MSH6: variants seen among roughly 807,000 people sequenced by gnomAD.
MSH6 encodes the protein DNA mismatch repair protein Msh6.
A neutral mutation model predicts 119.1 loss-of-function variants in MSH6; 85 were observed. That is an observed-to-expected ratio of 0.71 (90% CI 0.60 to 0.85). MSH6 has a LOEUF of 0.85. Among genes scored for constraint, MSH6 ranks in the 40% least tolerant of loss-of-function variants. MSH6 has a pLI of 0.00. For synonymous variants in MSH6, 830 were observed against 586.9 expected (o/e 1.41, Z -5.99); for missense variants, 2,163 against 1,655.3 (o/e 1.31, Z -5.32).
rs569728764 is a variant in MSH6, at chr2:47,795,977, G to A, written c.541G>A (p.Glu181Lys). The A allele has an allele frequency of 6.8e-6, 11 of 1,614,160 alleles. No homozygotes were observed. The South Asian group carries it at 1.2e-4, about 18-fold the overall frequency. Residue 181 changes from glutamate (E) to lysine (K), a missense_variant, in exon 3 of 10, where the codon GAA becomes AAA. By Grantham distance (56) the Glu-to-Lys change is moderately conservative (BLOSUM62 1). Coordinates refer to ENST00000234420, the MANE Select transcript of MSH6 (RefSeq NM_000179.3). ...ACTGAGAGCAATGCAACGTGCAGAT[G>A]AAGCCTTAAATAAAGACAAGATTAA... The part of the protein sequence containing the change: ...EILRAMQRAD[E>K]ALNKDKIKRL...
At chr2:47,784,477 C>G (rs1312518787) in intron 1 of MSH6, 1 of 149,602 alleles carries the variant, frequency 6.7e-6, no homozygotes, top group African/African-American at 2.5e-5. Context: ...TTTTTTTTTC[C>G]TTTTTGAGAG....
rs540252208 is a variant in MSH6 at position 47,803,547 on chromosome 2, G to A, written c.3300G>A (p.Thr1100=). ...ELKGSRHPCI[T]KTFFGDDFIP... is the part of the protein sequence containing the mutation. ...AAGGATCACGCCATCCTTGCATTAC[G>A]AAGACTTTTTTTGGAGATGATTTTA... The change falls in exon 5 of 10, where the codon ACG becomes ACA. Residue 1100 remains threonine (T), a synonymous_variant. Transcript: ENST00000234420. 6.1e-5 allele frequency: 99 copies of A among 1,614,066 alleles called. No individual in the cohort carries two copies. Among genetic ancestry groups the A allele is most frequent in the South Asian group, 3.0e-4 (27 of 91,076 alleles).
At chr2:47,794,498 G>A (rs1175094316) in intron 2 of MSH6, among the ~76,000 whole-genome samples, 1 of 151,676 alleles carries the variant, frequency 6.6e-6, no homozygotes, top group Non-Finnish European at 1.5e-5. Context: ...CTTTAAACTC[G>A]TGACCTGAAG....
chr2:47,805,138 T>G, intron 6 of MSH6, 111 bp downstream of exon 6: 1 of 804,920 alleles, frequency 1.2e-6, no homozygotes, highest in Non-Finnish European at 2.2e-6. Flanking sequence ...TTTTCTGGTG[T>G]TACTTTAAAA....
Position 47,798,974 on chromosome 2 carries a change from T to A in MSH6, c.991T>A (p.Ser331Thr), listed in dbSNP as rs2104311830. ...SATKQATSIS[S>T]ETKNTLRAFS... ...CACCAAACAAGCAACTAGCATTTCA[T>A]CAGAAACCAAGAATACTTTGAGAGC... The change falls in exon 4 of 10, where the codon TCA (serine) becomes ACA (threonine). Residue 331 changes from serine to threonine, a missense_variant. Transcript: ENST00000234420. 6.2e-7 allele frequency: 1 copy of A among 1,614,218 alleles called. No individual in the cohort carries two copies. Among genetic ancestry groups the A allele is most frequent in the African/African-American group, 1.3e-5 (1 of 75,056 alleles).
chr2:47,800,976 C>G lies in MSH6; in HGVS notation c.2993C>G (p.Ser998Cys), dbSNP rs1281207200. 1 of 1,560,642 alleles carries G rather than the reference C, an allele frequency of 6.4e-7. No individual in the cohort carries two copies. Among genetic ancestry groups the G allele is most frequent in the Admixed American group, 2.0e-5 (1 of 51,064 alleles). Residue 998 changes from serine (S) to cysteine (C), a missense_variant, in exon 4 of 10, where the codon TCT becomes TGT. Physicochemically the swap from Ser to Cys is moderately radical, Grantham distance 112. Coordinates refer to ENST00000234420, the MANE Select transcript of MSH6 (RefSeq NM_000179.3). ...RNLPEEYELK[S>C]TKKGCKRYWT... ...TTGCCAGAAGAATACGAGTTGAAAT[C>G]TACCAAGAAGGGCTGTAAACGATAC... is the stretch of plus-strand genomic sequence containing the variant.
Position 47,783,597 on chromosome 2 carries a change from G to A in MSH6, c.260+104G>A, listed in dbSNP as rs1262297852. The A allele has an allele frequency of 1.5e-5, 18 of 1,214,600 alleles. No homozygotes were observed. In the South Asian group the frequency reaches 2.4e-4, roughly 16 times the overall value. 75.2% of individuals were successfully genotyped at this position (1,214,600 alleles called of 1,614,324 possible). A position where few individuals can be genotyped will look rare whatever the true frequency, so the allele number is the denominator to read the frequency against. ...GGGGGTTGGGGGGGTGCACGGCCTG[G>A]CCCTGGGCTCGGAGGAGGCGGGGCC... On this transcript the variant is annotated intron_variant, in intron 1 of 9. Transcript: ENST00000234420.
downstream of MSH6, chr2:47,808,308 TCAAG>T (rs1269231250): frequency 6.2e-7 from 1 of 1,612,506 alleles, no homozygotes; most frequent in East Asian, 2.2e-5. Context: ...GGGTAATATA[TCAAG>T]CAAGTGTGCT....
At chr2:47,805,774 T>C (rs535801434) in intron 7 of MSH6, 67 bp downstream of exon 7, 1 of 1,211,606 alleles carries the variant, frequency 8.3e-7, no homozygotes, top group East Asian at 2.3e-5. Flanking sequence ...TAACTATTTT[T>C]ATAGAAGATT....
intron 1 of MSH6, among the ~76,000 whole-genome samples, chr2:47,788,905 TC>T (rs66598836): frequency 0.69 from 50,089 of 72,392 alleles, 15,381 homozygotes; most frequent in Middle Eastern, 0.83. Flanking sequence ...TCTTTCTTCT[TC>T]CTTTTTTTTT....
chr2:47,807,266 G>A (rs1393983237), downstream of MSH6: 2 of 224,744 alleles, frequency 8.9e-6, no homozygotes, highest in Non-Finnish European at 8.9e-6. Flanking sequence ...TTGTTTTGAA[G>A]AGACTTTCTA....
rs1553414594 is a variant in MSH6 at position 47,801,151 on chromosome 2, G to A, written c.3168G>A (p.Val1056=). ...AGTCTGCTGTAGAGTGTATCGCAGT[G>A]TTGGGTAAGACTTTGAACAAGCTTG... The part of the protein sequence containing the change: ...DWQSAVECIA[V]LDVLLCLANY... The change falls in exon 4 of 10, where the codon GTG becomes GTA. Residue 1056 remains valine (V), a synonymous_variant. Transcript: ENST00000234420. 6.2e-7 allele frequency: 1 copy of A among 1,609,682 alleles called. No homozygotes were observed. The highest frequency in any genetic ancestry group is 8.5e-7 in the Non-Finnish European group (1 of 1,179,964).
At position 47,799,061 on chromosome 2, in the gene MSH6, A is replaced by G. The variant is rs145994565; in HGVS notation, c.1078A>G (p.Ser360Gly). 32 of 1,614,088 alleles carry G rather than the reference A, an allele frequency of 2.0e-5. No homozygotes were observed. Among genetic ancestry groups the G allele is most frequent in the Admixed American group, 3.3e-5 (2 of 60,004 alleles). The change falls in exon 4 of 10, where the codon AGT (serine) becomes GGT (glycine). Residue 360 changes from serine to glycine, a missense_variant. Ser to Gly is a moderately conservative substitution (Grantham distance 56). Coordinates refer to ENST00000234420, the MANE Select transcript of MSH6 (RefSeq NM_000179.3). ...AHVSGGGDDS[S>G]RPTVWYHETL... is the part of the protein sequence containing the mutation. ...CGTTAGTGGAGGTGGTGATGACAGT[A>G]GTCGCCCTACTGTTTGGTATCATGA...
chr2:47,803,720 C>A (rs370506933), intron 5 of MSH6, 35 bp downstream of exon 5: 31 of 1,611,686 alleles, frequency 1.9e-5, no homozygotes, highest in African/African-American at 5.3e-5. Flanking sequence ...ATCAGAAAGT[C>A]ATTTGTGACA....
At position 47,797,638 on chromosome 2, in the gene MSH6, C is replaced by G. The variant is rs3136328; in HGVS notation, c.628-973C>G. The stretch of plus-strand genomic sequence containing the variant: ...AATAGAACTCCCATGGCAGCAATCA[C>G]TTAATCTTGTAGTTAGAGGTGGGGT... On this transcript the variant is annotated intron_variant, in intron 3 of 9. Coordinates refer to ENST00000234420, the MANE Select transcript of MSH6 (RefSeq NM_000179.3). 4.9e-3 allele frequency among the ~76,000 whole-genome samples: 753 copies of G among 152,342 alleles called. 5 individuals are homozygous for G. Among genetic ancestry groups the G allele is most frequent in the African/African-American group, 0.017 (721 of 41,582 alleles).
intron 1 of MSH6, among the ~76,000 whole-genome samples, chr2:47,787,191 A>G (rs1440114911): frequency 2.0e-5 from 3 of 152,152 alleles, no homozygotes; most frequent in Non-Finnish European, 4.4e-5. Context: ...TGGGAGACTG[A>G]GATGGGAGGA....
At chr2:47,808,589 A>G, downstream of MSH6, 1 of 536,248 alleles carries the variant, frequency 1.9e-6, no homozygotes, top group African/African-American at 1.9e-5. Flanking sequence ...TTAATGGAGT[A>G]AGTGATTTTC....
chr2:47,788,978 T>C (rs969553478), intron 1 of MSH6, among the ~76,000 whole-genome samples: 2 of 132,484 alleles, frequency 1.5e-5, no homozygotes, highest in Non-Finnish European at 3.1e-5. Context: ...CAGGCTGGAA[T>C]GCAGTGGCGT....
intron 5 of MSH6, 85 bp from the exon 6 acceptor site, chr2:47,804,825 C>T (rs970338543): frequency 2.5e-4 from 251 of 1,021,568 alleles, no homozygotes; most frequent in Non-Finnish European, 3.6e-4. Context: ...GTGCCTAGCT[C>T]TTACGTAAGG....
Sources: gnomAD v4.1 joint callset for allele counts (sites outside exome capture counted in the v4.1 genomes callset) on GRCh38, gnomAD v4.1.1 for gene constraint, MANE v1.5 for transcripts, NCBI Gene and HGNC (gene_info 2026-07-23, HGNC 2026-07-21) for gene names.